ZFC3H1: variants seen among roughly 807,000 people sequenced by gnomAD.
ZFC3H1 encodes the protein zinc finger C3H1 domain-containing protein.
Under a neutral mutation model 243.7 loss-of-function variants are expected in ZFC3H1, and 71 were observed. The observed-to-expected ratio is 0.29, with a 90% CI of 0.24 to 0.36. The LOEUF (loss-of-function observed/expected upper bound fraction) is 0.36. Among genes scored for constraint, ZFC3H1 ranks in the 10% least tolerant of loss-of-function variants. The pLI, the probability that ZFC3H1 is intolerant of heterozygous loss-of-function variation, is 1.00. For missense variants in ZFC3H1, 1,966 were observed against 2,317.1 expected (o/e 0.85, Z 3.11); for synonymous variants, 838 against 813.0 (o/e 1.03, Z -0.52).
intron 2 of ZFC3H1, among the ~76,000 whole-genome samples, chr12:71,649,749 T>C (rs148895026): frequency 6.9e-4 from 105 of 152,356 alleles, no homozygotes; most frequent in African/African-American, 2.3e-3. Context: ...GAGAAACTTA[T>C]GAGTTTCATT....
chr12:71,611,337 G>T, intron 32 of ZFC3H1: 12 of 253,398 alleles, frequency 4.7e-5, no homozygotes, highest in East Asian at 2.7e-4. Flanking sequence ...CATAAATAAC[G>T]TTCACAGGAG....
In ZFC3H1 at chr12:71,611,063, T is replaced by G; in HGVS notation, c.5764A>C (p.Arg1922=). Residue 1922 remains arginine, a synonymous_variant, in exon 33 of 35, where the codon AGA becomes CGA. Transcript: ENST00000378743. ...IAAEIVLKGQ[R]EVHRLYQRAL... ...GAGATTCAACCATGGCTTACCTCTC[T>G]TTGTCCCTTTAGAACAATCTCAGCA... 1.3e-6 allele frequency: 2 copies of G among 1,598,270 alleles called. No individual in the cohort carries two copies. The highest frequency in any genetic ancestry group is 1.7e-6 in the Non-Finnish European group (2 of 1,175,028).
chr12:71,633,842 G>C (rs1403429303), intron 12 of ZFC3H1, among the ~76,000 whole-genome samples: 1 of 152,122 alleles, frequency 6.6e-6, no homozygotes, highest in African/African-American at 2.4e-5. Flanking sequence ...ATTTTTAGTA[G>C]AGACAGGGTT....
chr12:71,614,282 C>A (rs1879842433), intron 30 of ZFC3H1, among the ~76,000 whole-genome samples: 1 of 80,770 alleles, frequency 1.2e-5, no homozygotes, highest in Admixed American at 1.6e-4. Flanking sequence ...TCTTAATATC[C>A]CTTCATTTTG....
At chr12:71,643,232 G>C (rs1379614196) in intron 5 of ZFC3H1, among the ~76,000 whole-genome samples, 2 of 152,014 alleles carry the variant, frequency 1.3e-5, no homozygotes, top group East Asian at 3.9e-4. Flanking sequence ...CCAACATGGT[G>C]AAACCCCGTC....
chr12:71,610,603 T>C lies in ZFC3H1; in HGVS notation c.5833-38A>G, dbSNP rs777873223. 2.5e-6 allele frequency: 4 copies of C among 1,612,558 alleles called. No homozygotes were observed. In the South Asian group the frequency reaches 4.4e-5, roughly 18 times the overall value. On this transcript the variant is annotated intron_variant, in intron 34 of 34. Transcript: ENST00000378743. ...GGGAAGCATAGAAGTAAGACTTAGCTAGAGTTTGAGCATTACCACATCAAT... is the reference window on the plus strand; with the variant it reads ...GGGAAGCATAGAAGTAAGACTTAGCCAGAGTTTGAGCATTACCACATCAAT...
chr12:71,644,751 G>A, intron 4 of ZFC3H1, 126 bp downstream of exon 4: 1 of 1,076,960 alleles, frequency 9.3e-7, no homozygotes, highest in African/African-American at 1.6e-5. Context: ...CTGGGAGGTG[G>A]AGGTTGCAGT....
Position 71,663,566 on chromosome 12 carries a change from C to T in ZFC3H1, c.45G>A (p.Ser15=), listed in dbSNP as rs775743450. The change falls in exon 1 of 35, where the codon TCG becomes TCA. Residue 15 remains serine (S), a synonymous_variant. Transcript: ENST00000378743. The part of the protein sequence containing the change: ...DTPAPASSGL[S]PKEEGELEDG... Reference sequence around the variant, plus strand: ...CTTCAAGCTCCCCTTCTTCCTTCGGCGAGAGGCCACTGGAGGCCGGGGCCG... The same window carrying T: ...CTTCAAGCTCCCCTTCTTCCTTCGGTGAGAGGCCACTGGAGGCCGGGGCCG... 3.1e-6 allele frequency: 5 copies of T among 1,612,818 alleles called. No homozygotes were observed. The African/African-American group carries it at 5.3e-5, about 17-fold the overall frequency.
intron 3 of ZFC3H1, among the ~76,000 whole-genome samples, chr12:71,645,502 C>T (rs556692023): frequency 1.3e-5 from 2 of 152,230 alleles, no homozygotes; most frequent in South Asian, 4.1e-4. Flanking sequence ...GATTTGCTGG[C>T]CTCACCAGTA....
intron 1 of ZFC3H1, among the ~76,000 whole-genome samples, chr12:71,659,782 A>G (rs1881117102): frequency 6.6e-6 from 1 of 152,218 alleles, no homozygotes; most frequent in South Asian, 2.1e-4. Context: ...TACAATTTCT[A>G]ACTGAACCTT....
chr12:71,629,390 C>T (rs1213476299), intron 19 of ZFC3H1, among the ~76,000 whole-genome samples: 1 of 152,022 alleles, frequency 6.6e-6, no homozygotes, highest in African/African-American at 2.4e-5. Flanking sequence ...TGGTCTCGAA[C>T]TCCTAACCTC....
chr12:71,626,521 G>A (rs1880171606), intron 21 of ZFC3H1, 75 bp from the exon 22 acceptor site: 1 of 1,273,086 alleles, frequency 7.9e-7, no homozygotes, highest in African/African-American at 1.5e-5. Context: ...AATCCAATGA[G>A]TCAATTTTAA....
intron 1 of ZFC3H1, among the ~76,000 whole-genome samples, chr12:71,661,225 G>A (rs1171512645): frequency 2.6e-5 from 4 of 150,968 alleles, no homozygotes; most frequent in Admixed American, 6.6e-5. Context: ...GCGTGAACCC[G>A]GGAGGCGGAG....
At chr12:71,629,092 T>C in intron 19 of ZFC3H1, 55 bp from the exon 20 acceptor site, 2 of 1,399,434 alleles carry the variant, frequency 1.4e-6, no homozygotes, top group Non-Finnish European at 1.9e-6. Context: ...TTTTTTAACA[T>C]TTTGAAGGAT....
chr12:71,651,759 A>G (rs1041633485), intron 2 of ZFC3H1, among the ~76,000 whole-genome samples: 1 of 152,254 alleles, frequency 6.6e-6, no homozygotes, highest in East Asian at 1.9e-4. Flanking sequence ...GAGGTGGAAG[A>G]GGATTTCCAT....
At chr12:71,662,611 AAT>A (rs1197696444) in intron 1 of ZFC3H1, among the ~76,000 whole-genome samples, 26 of 152,140 alleles carry the variant, frequency 1.7e-4, no homozygotes, top group Admixed American at 1.7e-3. Context: ...GTCAAACTGC[AAT>A]ATGATAAAGC....
At chr12:71,641,566 A>G (rs1197159658) in intron 6 of ZFC3H1, among the ~76,000 whole-genome samples, 1 of 152,190 alleles carries the variant, frequency 6.6e-6, no homozygotes, top group African/African-American at 2.4e-5. Context: ...TCACCCCTGA[A>G]CATCAACAAA....
intron 5 of ZFC3H1, among the ~76,000 whole-genome samples, chr12:71,643,583 A>C (rs1038131656): frequency 6.6e-6 from 1 of 152,136 alleles, no homozygotes; most frequent in African/African-American, 2.4e-5. Flanking sequence ...GGGTAAAAGA[A>C]GGGAGGGAGA....
chr12:71,611,831 T>G lies in ZFC3H1; in HGVS notation c.5684A>C (p.Lys1895Thr). The G allele has an allele frequency of 1.2e-6, 2 of 1,610,866 alleles. No homozygotes were observed. Among genetic ancestry groups the G allele is most frequent in the Non-Finnish European group, 1.7e-6 (2 of 1,177,954 alleles). The change falls in exon 32 of 35, where the codon AAG (lysine) becomes ACG (threonine). Residue 1895 changes from lysine to threonine, a missense_variant. Lys to Thr is a moderately conservative substitution (Grantham distance 78, BLOSUM62 -1). Around this residue, in one of 4 missense-constraint regions of ZFC3H1, gnomAD observed 1,383 missense variants for 1,723.7 expected, o/e 0.80. Coordinates refer to ENST00000378743, the MANE Select transcript of ZFC3H1 (RefSeq NM_144982.5). ...SNVQILKLQA[K>T]MFTYNIPTCL... is the part of the protein sequence containing the mutation. ...TGTTGGGATATTATATGTAAACATC[T>G]TGGCTTGAAGTTTCAGAATCTGAAC...
Sources: gnomAD v4.1 joint callset for allele counts (sites outside exome capture counted in the v4.1 genomes callset) on GRCh38, gnomAD v4.1.1 for gene constraint, gnomAD v4.1.1 regional missense constraint, MANE v1.5 for transcripts, NCBI Gene and HGNC (gene_info 2026-07-23, HGNC 2026-07-21) for gene names.